GPC5: variants seen among roughly 807,000 people sequenced by gnomAD.
GPC5 encodes glypican-5.
Under a neutral mutation model 53.9 loss-of-function variants are expected in GPC5, and 47 were observed. That is an observed-to-expected ratio of 0.87 (90% CI 0.69 to 1.11). The LOEUF (loss-of-function observed/expected upper bound fraction) is 1.11, where lower values mean the gene tolerates loss of function less well. GPC5 is among the 50% of genes most tolerant of loss of function. The probability of loss-of-function intolerance (pLI) is 0.00; values close to 1 mark genes in which losing one functional copy is unlikely to be tolerated. For synonymous variants in GPC5, 286 were observed against 263.3 expected, an observed-to-expected ratio of 1.09 and a Z score of -0.84; for missense variants, 748 against 713.1, an observed-to-expected ratio of 1.05 and a Z score of -0.56.
chr13:91,974,297 G>C (rs2040275282), intron 6 of GPC5, among the ~76,000 whole-genome samples: 1 of 152,166 alleles, frequency 6.6e-6, no homozygotes, highest in African/African-American at 2.4e-5. Flanking sequence ...TGAAATAAAG[G>C]GTATTCAATT....
Position 92,596,101 on chromosome 13 carries a change from C to A in GPC5, c.1562-270181C>A, listed in dbSNP as rs970986121. Among the ~76,000 whole-genome samples, 6 of 151,976 alleles carry A rather than the reference C, an allele frequency of 3.9e-5. 1 individual carries two copies. The highest frequency in any genetic ancestry group is 3.9e-4 in the Admixed American group (6 of 15,256). On this transcript the variant is annotated intron_variant, in intron 7 of 7. Transcript: ENST00000377067. ...AGTACCGTGAATCACATAATTTAAC[C>A]CTCTTAATTTTTCAGATGAAGAAAT...
intron 2 of GPC5, among the ~76,000 whole-genome samples, chr13:91,562,523 A>G (rs896221089): frequency 2.0e-5 from 3 of 151,704 alleles, no homozygotes; most frequent in African/African-American, 7.3e-5. Context: ...GAGAGCAGTG[A>G]GGCTCACCGC....
intron 7 of GPC5, among the ~76,000 whole-genome samples, chr13:92,748,332 A>ATTAT (rs1682414573): frequency 6.8e-6 from 1 of 148,064 alleles, no homozygotes; most frequent in South Asian, 2.1e-4. Context: ...TATTATTATT[A>ATTAT]TTATTATTAT....
intron 7 of GPC5, among the ~76,000 whole-genome samples, chr13:92,305,368 C>A (rs1450998233): frequency 6.6e-6 from 1 of 151,994 alleles, no homozygotes; most frequent in African/African-American, 2.4e-5. Context: ...TCTCAAATAC[C>A]TAACCTGGCA....
At chr13:92,402,918 C>T (rs1009308255) in intron 7 of GPC5, among the ~76,000 whole-genome samples, 6 of 152,162 alleles carry the variant, frequency 3.9e-5, no homozygotes, top group African/African-American at 1.4e-4. Context: ...ATTTATTCCT[C>T]ATTGCGGCAG....
chr13:92,704,745 A>G (rs967331630), intron 7 of GPC5, among the ~76,000 whole-genome samples: 1 of 151,766 alleles, frequency 6.6e-6, no homozygotes, highest in African/African-American at 2.4e-5. Context: ...TATGCAGATA[A>G]TAAGAGTTCT....
At chr13:92,486,352 C>T (rs1396038800) in intron 7 of GPC5, among the ~76,000 whole-genome samples, 1 of 152,162 alleles carries the variant, frequency 6.6e-6, no homozygotes, top group Admixed American at 6.5e-5. Flanking sequence ...TATCTGTTGG[C>T]ATCATTGTCA....
At chr13:92,404,072 A>G (rs1042798434) in intron 7 of GPC5, among the ~76,000 whole-genome samples, 1 of 152,194 alleles carries the variant, frequency 6.6e-6, no homozygotes, top group Non-Finnish European at 1.5e-5. Context: ...CTTGTCCAAT[A>G]TTCATAATGT....
chr13:91,669,189 C>A (rs981505840), intron 2 of GPC5, among the ~76,000 whole-genome samples: 3 of 133,054 alleles, frequency 2.3e-5, no homozygotes, highest in Admixed American at 1.8e-4. Context: ...TATTACTGTG[C>A]CCCCCCGACA....
chr13:91,646,529 T>C (rs533745332), intron 2 of GPC5, among the ~76,000 whole-genome samples: 28 of 152,128 alleles, frequency 1.8e-4, no homozygotes, highest in African/African-American at 6.0e-4. Flanking sequence ...TAAATTATAT[T>C]TTTTAAATGA....
chr13:92,312,746 C>A (rs1205490963), intron 7 of GPC5, among the ~76,000 whole-genome samples: 2 of 152,024 alleles, frequency 1.3e-5, no homozygotes, highest in Non-Finnish European at 2.9e-5. Flanking sequence ...GTAATTTTAT[C>A]TTCATTTTTT....
intron 7 of GPC5, among the ~76,000 whole-genome samples, chr13:92,725,698 C>CA (rs1888627215): frequency 6.6e-6 from 1 of 151,532 alleles, no homozygotes; most frequent in South Asian, 2.1e-4. Flanking sequence ...TAAATCTTAA[C>CA]AAAAAATTGG....
At chr13:92,442,798 A>C (rs1263461464) in intron 7 of GPC5, among the ~76,000 whole-genome samples, 1 of 152,192 alleles carries the variant, frequency 6.6e-6, no homozygotes, top group African/African-American at 2.4e-5. Flanking sequence ...CATGATCCTG[A>C]GAATTTCAAT....
chr13:92,165,500 C>T (rs1161682049), intron 7 of GPC5, among the ~76,000 whole-genome samples: 1 of 152,086 alleles, frequency 6.6e-6, no homozygotes, highest in Non-Finnish European at 1.5e-5. Flanking sequence ...CACTTCTTCA[C>T]AGGGTGACAG....
At chr13:91,891,542 A>G (rs1056477803) in intron 5 of GPC5, among the ~76,000 whole-genome samples, 4 of 152,172 alleles carry the variant, frequency 2.6e-5, no homozygotes, top group African/African-American at 7.2e-5. Context: ...GCTCATGAAT[A>G]GTTTCTGCAT....
At chr13:91,625,747 T>C (rs909212985) in intron 2 of GPC5, among the ~76,000 whole-genome samples, 4 of 152,204 alleles carry the variant, frequency 2.6e-5, no homozygotes, top group Admixed American at 2.6e-4. Context: ...GAGAATGAAT[T>C]GGAGAAACTT....
At chr13:91,973,255 T>G (rs374445266) in intron 6 of GPC5, among the ~76,000 whole-genome samples, 1 of 152,208 alleles carries the variant, frequency 6.6e-6, no homozygotes, top group Non-Finnish European at 1.5e-5. Flanking sequence ...CCAGTTGATC[T>G]CATTGGCTCC....
intron 7 of GPC5, among the ~76,000 whole-genome samples, chr13:92,214,179 G>A (rs2042394472): frequency 6.6e-6 from 1 of 152,066 alleles, no homozygotes; most frequent in African/African-American, 2.4e-5. Flanking sequence ...GAAAATCAAG[G>A]ACTGCTCAAG....
At chr13:92,628,466 G>C (rs916608328) in intron 7 of GPC5, among the ~76,000 whole-genome samples, 3 of 151,276 alleles carry the variant, frequency 2.0e-5, no homozygotes, top group Non-Finnish European at 4.4e-5. Context: ...GGCTGCTTTG[G>C]GGGTCAGCAG....
Sources: allele counts gnomAD v4.1 joint callset (sites outside exome capture counted in the v4.1 genomes callset), GRCh38; gene constraint gnomAD v4.1.1; transcripts MANE v1.5; gene names NCBI Gene and HGNC (gene_info 2026-07-23, HGNC 2026-07-21).